TUBA3C: variants seen among roughly 807,000 people sequenced by gnomAD.
The protein encoded by TUBA3C is tubulin alpha 3c, also known as tubulin alpha-3C chain.
In TUBA3C, 23 loss-of-function variants were observed where a neutral mutation model predicts 33.4. That is an observed-to-expected ratio of 0.69 (90% CI 0.50 to 0.98). The LOEUF is 0.98. Among genes scored for constraint, TUBA3C ranks in the 50% least tolerant of loss-of-function variants. TUBA3C has a pLI of 0.00. For synonymous variants in TUBA3C, 269 were observed against 250.4 expected (o/e 1.07, Z -0.70); for missense variants, 402 against 616.0 (o/e 0.65, Z 3.68).
chr13:19,180,572 G>A (rs927027686), intron 1 of TUBA3C, among the ~76,000 whole-genome samples: 1 of 151,822 alleles, frequency 6.6e-6, no homozygotes, highest in Non-Finnish European at 1.5e-5. Context: ...CACAATCTCA[G>A]CTCACTGCAG....
At position 19,177,923 on chromosome 13, in the gene TUBA3C, T is replaced by C. The variant is rs1272396464; in HGVS notation, c.376-316A>G. Among the ~76,000 whole-genome samples, 1 of 150,386 alleles carries C rather than the reference T, an allele frequency of 6.6e-6. No homozygotes were observed. The highest frequency in any genetic ancestry group is 1.5e-5 in the Non-Finnish European group (1 of 67,722). ...GGGCAGTGGCATGAACTCCGCTCAGTGCAACCTCTGCCTCCCGGGCTCAAG... is the reference window on the plus strand; with the variant it reads ...GGGCAGTGGCATGAACTCCGCTCAGCGCAACCTCTGCCTCCCGGGCTCAAG... On this transcript the variant is annotated intron_variant, in intron 3 of 4. Transcript: ENST00000400113. This position sits in a 1 kb window ranked among gnomAD's most constrained non-coding sequence, Gnocchi z 5.0.
chr13:19,179,780 T>G (rs534728969), intron 1 of TUBA3C, among the ~76,000 whole-genome samples: 2 of 152,302 alleles, frequency 1.3e-5, no homozygotes, highest in East Asian at 3.9e-4. Flanking sequence ...GAGGTAGCCC[T>G]AGAACCTAAT....
At position 19,176,725 on chromosome 13, in the gene TUBA3C, CAAAAAAAAAAAAAA is replaced by C. The variant is rs55746544; in HGVS notation, c.1056+188_1056+201del. ...TGGGCGACAAAGCTAGACTCTGCCT[CAAAAAAAAAAAAAA>C]AAAAAAAAAAAAAAAAAAAAGACAT... On this transcript the variant is annotated intron_variant, in intron 4 of 4. Transcript: ENST00000400113. Among the ~76,000 whole-genome samples, 204 of 34,610 alleles carry C rather than the reference CAAAAAAAAAAAAAA, an allele frequency of 5.9e-3. 2 individuals are homozygous for C. The highest frequency in any genetic ancestry group is 0.011 in the African/African-American group (136 of 12,928). The allele number at this position is 34,610 out of a possible 152,430, so 22.7% of individuals were successfully genotyped here. A position where few individuals can be genotyped will look rare whatever the true frequency, so the allele number is the denominator to read the frequency against.
rs1019627897 is a variant in TUBA3C at position 19,177,649 on chromosome 13, C to T, written c.376-42G>A. On this transcript the variant is annotated intron_variant, in intron 3 of 4. Transcript: ENST00000400113. This position sits in a 1 kb window ranked among gnomAD's most constrained non-coding sequence, Gnocchi z 5.0. ...AACATGAATCAATGCCCGTGGAAGC[C>T]ACACCACCAACCTCCACCAAGCCAG... 9.8e-6 allele frequency: 15 copies of T among 1,531,832 alleles called. No individual in the cohort carries two copies. The highest frequency in any genetic ancestry group is 1.4e-5 in the African/African-American group (1 of 72,228). 94.9% of individuals were successfully genotyped at this position (1,531,832 alleles called of 1,614,324 possible). A position where few individuals can be genotyped will look rare whatever the true frequency, so the allele number is the denominator to read the frequency against.
rs36215404 is a variant in TUBA3C at position 19,178,875 on chromosome 13, C to T, written c.226+466G>A. On this transcript the variant is annotated intron_variant, in intron 2 of 4. Transcript: ENST00000400113. ...GACACTGTCATCTCATGTGGGGCCACTGAAAGGGGCTGTCTCTTTGCAGCT... is the reference window on the plus strand; with the variant it reads ...GACACTGTCATCTCATGTGGGGCCATTGAAAGGGGCTGTCTCTTTGCAGCT... Among the ~76,000 whole-genome samples, 340 of 152,298 alleles carry T rather than the reference C, an allele frequency of 2.2e-3. 1 individual carries two copies. The highest frequency in any genetic ancestry group is 7.7e-3 in the African/African-American group (318 of 41,564).
intron 4 of TUBA3C, among the ~76,000 whole-genome samples, 190 bp downstream of exon 4, chr13:19,176,725 CAAAAAAAAAAAA>C (rs55746544): frequency 0.051 from 1,776 of 34,596 alleles, 21 homozygotes; most frequent in Middle Eastern, 0.088. Flanking sequence ...GACTCTGCCT[CAAAAAAAAAAAA>C]AAAAAAAAAA....
Position 19,174,094 on chromosome 13 carries a change from A to G in TUBA3C, c.1122T>C (p.Ala374=), listed in dbSNP as rs1052390. Residue 374 remains alanine (A), a synonymous_variant, in exon 5 of 5, where the codon GCT becomes GCC. Coordinates refer to ENST00000400113, the MANE Select transcript of TUBA3C (RefSeq NM_006001.3). ...PGGDLAKVQR[A]VCMLSNTTAI... ...CCGTGGTGTTGCTCAGCATGCACAC[A>G]GCCCGCTGCACCTTGGCCAGGTCTC... is the stretch of plus-strand genomic sequence containing the variant. The G allele has an allele frequency of 6.2e-7, 1 of 1,614,056 alleles. No individual in the cohort carries two copies. The highest frequency in any genetic ancestry group is 1.3e-5 in the African/African-American group (1 of 75,034).
At chr13:19,178,203 C>T (rs751363933) in intron 3 of TUBA3C, 43 bp downstream of exon 3, 1 of 1,610,184 alleles carries the variant, frequency 6.2e-7, no homozygotes, top group South Asian at 1.1e-5. Flanking sequence ...AAGATCTACC[C>T]TCCTGTGCAG....
At position 19,181,811 on chromosome 13, in the gene TUBA3C, G is replaced by A. The variant is rs755243281; in HGVS notation, c.-64C>T. The A allele has an allele frequency of 2.2e-4, 345 of 1,591,204 alleles. No homozygotes were observed. Among genetic ancestry groups the A allele is most frequent in the South Asian group, 3.8e-4 (34 of 89,816 alleles). On this transcript the variant is annotated 5_prime_UTR_variant, in exon 1 of 5. Coordinates refer to ENST00000400113, the MANE Select transcript of TUBA3C (RefSeq NM_006001.3). The stretch of plus-strand genomic sequence containing the variant: ...TGACCTCAACCGCCGCTGCAGCTGC[G>A]CACGCCCAACGACAGCCTCCCGCCG...
Position 19,177,328 on chromosome 13 carries a change from T to G in TUBA3C, c.655A>C (p.Ile219Leu). The stretch of plus-strand genomic sequence containing the variant: ...AGGTTGGTGTACGTGGGACGCTCGA[T>G]GTCCAGGTTGCGCCGACATATGTCA... ...IYDICRRNLD[I>L]ERPTYTNLNR... is the part of the protein sequence containing the mutation. The change falls in exon 4 of 5, where the codon ATC (isoleucine) becomes CTC (leucine). Residue 219 changes from isoleucine (I) to leucine (L), a missense_variant. Ile to Leu is a conservative substitution (Grantham distance 5). Transcript: ENST00000400113. The surrounding 1 kb of genome is among the most constrained non-coding windows in gnomAD (Gnocchi z 5.0). The G allele has an allele frequency of 6.2e-7, 1 of 1,614,106 alleles. No homozygotes were observed. Among genetic ancestry groups the G allele is most frequent in the Non-Finnish European group, 8.5e-7 (1 of 1,180,016 alleles).
chr13:19,175,945 T>C (rs1019621801), intron 4 of TUBA3C, among the ~76,000 whole-genome samples: 2 of 152,190 alleles, frequency 1.3e-5, no homozygotes, highest in Non-Finnish European at 2.9e-5. Context: ...GATTTTGCCC[T>C]GTTGGCCAGG....
In TUBA3C at chr13:19,177,461, G is replaced by A. The variant is rs752523476; in HGVS notation, c.522C>T (p.Ala174=). The A allele has an allele frequency of 6.2e-7, 1 of 1,614,024 alleles. No homozygotes were observed. The highest frequency in any genetic ancestry group is 1.7e-5 in the Admixed American group (1 of 60,004). Residue 174 remains alanine (A), a synonymous_variant, in exon 4 of 5, where the codon GCC becomes GCT. Coordinates refer to ENST00000400113, the MANE Select transcript of TUBA3C (RefSeq NM_006001.3). The surrounding 1 kb of genome is among the most constrained non-coding windows in gnomAD (Gnocchi z 5.0). ...KSKLEFAIYP[A]PQVSTAVVEP... ...CCACCACGGCCGTGGAGACCTGGGG[G>A]GCTGGGTAAATGGCAAATTCTAGCT...
intron 1 of TUBA3C, 148 bp downstream of exon 1, chr13:19,181,597 G>T: frequency 8.6e-7 from 1 of 1,166,868 alleles, no homozygotes; most frequent in Non-Finnish European, 1.2e-6. Context: ...CCGTGTCCTC[G>T]TGTCCCGCCC....
chr13:19,179,618 T>C, intron 1 of TUBA3C, 55 bp from the exon 2 acceptor site: 2 of 1,567,372 alleles, frequency 1.3e-6, no homozygotes, highest in Non-Finnish European at 1.7e-6. Context: ...CTTGAAGCTA[T>C]ATGGTATGCA....
intron 3 of TUBA3C, among the ~76,000 whole-genome samples, chr13:19,178,042 TCAC>T (rs1565971661): frequency 6.6e-6 from 1 of 152,134 alleles, no homozygotes; most frequent in Non-Finnish European, 1.5e-5. Context: ...AGACAGGGTT[TCAC>T]CACGTTGGCC....
intron 4 of TUBA3C, 141 bp downstream of exon 4, chr13:19,176,786 G>C: frequency 7.3e-6 from 3 of 410,928 alleles, no homozygotes; most frequent in Admixed American, 8.6e-5. Flanking sequence ...TGATCACTCT[G>C]GTTCACTAAT....
chr13:19,178,992 C>T (rs1251965564), intron 2 of TUBA3C, among the ~76,000 whole-genome samples: 1 of 152,180 alleles, frequency 6.6e-6, no homozygotes, highest in Admixed American at 6.5e-5. Flanking sequence ...GGTCAAGACT[C>T]TCTTGCACCA....
chr13:19,177,690 T>C lies in TUBA3C; in HGVS notation c.376-83A>G. On this transcript the variant is annotated intron_variant, in intron 3 of 4. Transcript: ENST00000400113. This position sits in a 1 kb window ranked among gnomAD's most constrained non-coding sequence, Gnocchi z 5.0. ...ACCAAGCCAGGGCCACTTCTCTGCC[T>C]CTGAAGACTTGATATGGATTCCAAT... 1 of 1,482,510 alleles carries C rather than the reference T, an allele frequency of 6.7e-7. No individual in the cohort carries two copies. 91.8% of individuals were successfully genotyped at this position (1,482,510 alleles called of 1,614,324 possible). A position where few individuals can be genotyped will look rare whatever the true frequency, so the allele number is the denominator to read the frequency against.
Position 19,177,756 on chromosome 13 carries a change from A to G in TUBA3C, c.376-149T>C. On this transcript the variant is annotated intron_variant, in intron 3 of 4. Coordinates refer to ENST00000400113, the MANE Select transcript of TUBA3C (RefSeq NM_006001.3). The surrounding 1 kb of genome is among the most constrained non-coding windows in gnomAD (Gnocchi z 5.0). ...CGCAGTACACTCTGAAGCAAAGAAA[A>G]GCAGACAAAGATCTACAGACAAATC... 1 of 1,100,874 alleles carries G rather than the reference A, an allele frequency of 9.1e-7. No individual in the cohort carries two copies. Among genetic ancestry groups the G allele is most frequent in the Admixed American group, 3.0e-5 (1 of 33,346 alleles). The allele number at this position is 1,100,874 out of a possible 1,614,324, so 68.2% of individuals were successfully genotyped here.
Sources: allele counts gnomAD v4.1 joint callset (sites outside exome capture counted in the v4.1 genomes callset), GRCh38; gene constraint gnomAD v4.1.1; non-coding constraint Gnocchi (gnomAD v3.1); transcripts MANE v1.5; gene names NCBI Gene and HGNC (gene_info 2026-07-23, HGNC 2026-07-21).